CDH13: variants seen among roughly 807,000 people sequenced by gnomAD.
CDH13 encodes the protein cadherin-13.
Under a neutral mutation model 63.8 loss-of-function variants are expected in CDH13, and 24 were observed. The ratio of observed to expected loss-of-function variants is 0.38; its 90% CI spans 0.27 to 0.53. CDH13 has a LOEUF of 0.53. CDH13 is among the 20% of genes least tolerant of loss of function. The pLI, the probability that CDH13 is intolerant of heterozygous loss-of-function variation, is 0.85. For synonymous variants in CDH13, 503 were observed against 355.3 expected, an observed-to-expected ratio of 1.42 and a Z score of -4.67; for missense variants, 1,049 against 903.1, an observed-to-expected ratio of 1.16 and a Z score of -2.07.
At chr16:82,723,875 A>C (rs1024886650) in intron 1 of CDH13, among the ~76,000 whole-genome samples, 1 of 152,126 alleles carries the variant, frequency 6.6e-6, no homozygotes, top group Non-Finnish European at 1.5e-5. Context: ...GCCTTGATGG[A>C]GTTTTCAGTC....
intron 3 of CDH13, among the ~76,000 whole-genome samples, chr16:83,064,993 A>G (rs557108792): frequency 1.3e-5 from 2 of 152,274 alleles, no homozygotes; most frequent in South Asian, 4.1e-4. Context: ...TTAGCTAAAA[A>G]AAATCTCCCC....
intron 6 of CDH13, among the ~76,000 whole-genome samples, chr16:83,453,467 T>C (rs2072937336): frequency 6.6e-6 from 1 of 151,966 alleles, no homozygotes; most frequent in Admixed American, 6.5e-5. Context: ...CAAAAGAAAA[T>C]ATTATTTAAA....
intron 1 of CDH13, among the ~76,000 whole-genome samples, chr16:82,638,999 A>C (rs1909051348): frequency 6.6e-6 from 1 of 152,048 alleles, no homozygotes; most frequent in South Asian, 2.1e-4. Context: ...GATGAGAAGA[A>C]GTTTTGAGTG....
intron 4 of CDH13, among the ~76,000 whole-genome samples, chr16:83,195,576 G>A (rs561514553): frequency 2.0e-5 from 3 of 152,086 alleles, no homozygotes; most frequent in Non-Finnish European, 4.4e-5. Flanking sequence ...AGCACTAGGA[G>A]GGTGGTGCTA....
chr16:83,053,199 T>C (rs1303813766), intron 3 of CDH13, among the ~76,000 whole-genome samples: 1 of 152,194 alleles, frequency 6.6e-6, no homozygotes, highest in African/African-American at 2.4e-5. Context: ...AATATGTCTT[T>C]ATATGGTATT....
chr16:82,817,359 C>G (rs2037771437), intron 1 of CDH13, among the ~76,000 whole-genome samples: 1 of 152,060 alleles, frequency 6.6e-6, no homozygotes, highest in South Asian at 2.1e-4. Context: ...ATGGTTTCTG[C>G]TGAATCCATT....
intron 3 of CDH13, among the ~76,000 whole-genome samples, chr16:83,072,684 T>C (rs1327950635): frequency 6.6e-6 from 1 of 152,268 alleles, no homozygotes; most frequent in Admixed American, 6.5e-5. Flanking sequence ...CCAAGCTTGA[T>C]CTGTGCATGG....
chr16:83,627,119 C>T (rs1910378224), intron 8 of CDH13, among the ~76,000 whole-genome samples: 2 of 70,760 alleles, frequency 2.8e-5, no homozygotes. Flanking sequence ...CCCATCTCCA[C>T]TAAAATACAA....
chr16:83,701,291 G>A (rs955703994), intron 10 of CDH13, among the ~76,000 whole-genome samples: 1 of 152,178 alleles, frequency 6.6e-6, no homozygotes, highest in South Asian at 2.1e-4. Flanking sequence ...AGCCGAATGG[G>A]GCCATCGGGT....
chr16:83,490,776 T>G (rs747926599), intron 7 of CDH13, among the ~76,000 whole-genome samples: 7 of 152,170 alleles, frequency 4.6e-5, no homozygotes, highest in Non-Finnish European at 1.0e-4. Flanking sequence ...GGCCATTTCT[T>G]CCCCTTCCAT....
chr16:83,130,314 T>C (rs1392907255), intron 4 of CDH13, among the ~76,000 whole-genome samples: 1 of 152,214 alleles, frequency 6.6e-6, no homozygotes, highest in Admixed American at 6.5e-5. Context: ...ACACAGCTAG[T>C]TCATAACAGA....
intron 1 of CDH13, among the ~76,000 whole-genome samples, chr16:82,666,621 C>G (rs971326526): frequency 2.6e-5 from 4 of 152,226 alleles, no homozygotes; most frequent in African/African-American, 9.6e-5. Flanking sequence ...TGGCCATTTA[C>G]TATAACCTAG....
intron 1 of CDH13, among the ~76,000 whole-genome samples, chr16:82,797,166 C>T (rs2036622323): frequency 6.6e-6 from 1 of 152,296 alleles, no homozygotes; most frequent in East Asian, 1.9e-4. Flanking sequence ...TCCTATACGT[C>T]ACTCTTTCAG....
chr16:83,599,416 TA>T (rs1280804636), intron 7 of CDH13, among the ~76,000 whole-genome samples: 1 of 152,192 alleles, frequency 6.6e-6, no homozygotes, highest in African/African-American at 2.4e-5. Flanking sequence ...TCCTCTTGGA[TA>T]AAAACATTGA....
chr16:82,740,425 G>A (rs2033876559), intron 1 of CDH13, among the ~76,000 whole-genome samples: 2 of 152,320 alleles, frequency 1.3e-5, no homozygotes, highest in South Asian at 4.1e-4. Flanking sequence ...TTCTTCAGAA[G>A]TGTCTTTAAA....
chr16:82,858,610 C>G (rs2039801817), intron 2 of CDH13, 137 bp downstream of exon 2: 2 of 723,218 alleles, frequency 2.8e-6, no homozygotes, highest in Admixed American at 2.0e-5. Context: ...CTGCTTGACC[C>G]AAAGTGGAAA....
intron 4 of CDH13, among the ~76,000 whole-genome samples, chr16:83,176,336 C>G (rs1333971987): frequency 6.6e-6 from 1 of 151,344 alleles, no homozygotes; most frequent in Non-Finnish European, 1.5e-5. Context: ...ATGGTGAAAC[C>G]CTGTCTCTTC....
At chr16:83,788,522 G>A (rs543250114) in intron 13 of CDH13, among the ~76,000 whole-genome samples, 11 of 151,116 alleles carry the variant, frequency 7.3e-5, no homozygotes, top group Non-Finnish European at 1.2e-4. Context: ...TTACCAACAA[G>A]GGATTTTCTT....
intron 1 of CDH13, among the ~76,000 whole-genome samples, chr16:82,761,004 C>T (rs974346212): frequency 2.2e-5 from 2 of 92,774 alleles, no homozygotes; most frequent in Non-Finnish European, 4.7e-5. Flanking sequence ...CTGGGGTTCA[C>T]ATTTCTTTCT....
Sources: gnomAD v4.1 joint callset for allele counts (sites outside exome capture counted in the v4.1 genomes callset) on GRCh38, gnomAD v4.1.1 for gene constraint, MANE v1.5 for transcripts, NCBI Gene and HGNC (gene_info 2026-07-23, HGNC 2026-07-21) for gene names.